SERPINB9: variants seen among roughly 807,000 people sequenced by gnomAD.
SERPINB9 encodes serpin B9.
Under a neutral mutation model 27.2 loss-of-function variants are expected in SERPINB9, and 20 were observed. That is an observed-to-expected ratio of 0.74 (90% CI 0.52 to 1.07). The LOEUF is 1.07. SERPINB9 is among the 50% of genes least tolerant of loss of function. The probability of loss-of-function intolerance (pLI) is 0.00; values close to 1 mark genes in which losing one functional copy is unlikely to be tolerated. For missense variants in SERPINB9, 476 were observed against 460.1 expected (o/e 1.03, Z -0.32); for synonymous variants, 189 against 180.0 (o/e 1.05, Z -0.40).
At chr6:2,896,902 G>A (rs1768018291) in intron 2 of SERPINB9, among the ~76,000 whole-genome samples, 1 of 151,990 alleles carries the variant, frequency 6.6e-6, no homozygotes, top group African/African-American at 2.4e-5. Flanking sequence ...CACTTTTGGA[G>A]GCCAAGGCAG....
At position 2,896,332 on chromosome 6, in the gene SERPINB9, A is replaced by G. The variant is rs1000500820; in HGVS notation, c.169-142T>C. The G allele has an allele frequency of 4.8e-6, 3 of 621,250 alleles. No individual in the cohort carries two copies. The African/African-American group carries it at 5.5e-5, about 11-fold the overall frequency. 38.5% of individuals were successfully genotyped at this position (621,250 alleles called of 1,614,324 possible). ...TCTCGCTTGTTTAAAGATCAGTAAC[A>G]CACAAAAAATGACAAGGGTGAGAAA... On this transcript the variant is annotated intron_variant, in intron 2 of 6. Transcript: ENST00000380698.
In SERPINB9 at chr6:2,888,802, T is replaced by C. The variant is rs1311586485; in HGVS notation, c.*1361A>G. 2 of 152,034 alleles carry C rather than the reference T, an allele frequency of 1.3e-5. No individual in the cohort carries two copies. The highest frequency in any genetic ancestry group is 4.8e-5 in the African/African-American group (2 of 41,392). The allele number at this position is 152,034 out of a possible 1,614,324, so 9.4% of individuals were successfully genotyped here. ...TAACAATACTAAGTGGCACTGAACT[T>C]CTCACTTTAAAATAGTTAATTTTAT... On this transcript the variant is annotated 3_prime_UTR_variant, in exon 7 of 7. Coordinates refer to ENST00000380698, the MANE Select transcript of SERPINB9 (RefSeq NM_004155.6).
chr6:2,898,707 G>A (rs1050658409), intron 2 of SERPINB9, among the ~76,000 whole-genome samples: 5 of 151,978 alleles, frequency 3.3e-5, no homozygotes, highest in African/African-American at 9.7e-5. Context: ...CCAGCTACTC[G>A]GGAGGCTGAG....
rs998371413 is a variant in SERPINB9, at chr6:2,888,918, A to G, written c.*1245T>C. ...AAAAAATATAAGTTACATAGCTCGT[A>G]TATAATCAACTTACTTATTACTGCA... On this transcript the variant is annotated 3_prime_UTR_variant, in exon 7 of 7. Coordinates refer to ENST00000380698, the MANE Select transcript of SERPINB9 (RefSeq NM_004155.6). 4.6e-5 allele frequency: 7 copies of G among 152,286 alleles called. No individual in the cohort carries two copies. The highest frequency in any genetic ancestry group is 1.3e-4 in the Admixed American group (2 of 15,294). The allele number at this position is 152,286 out of a possible 1,614,324, so 9.4% of individuals were successfully genotyped here.
Position 2,890,650 on chromosome 6 carries a change from T to C in SERPINB9, c.724-80A>G. ...GCACAGGCACTCACAGTTCCCTTCC[T>C]CCCCTTGCACGTAGGTGTTGTTTGT... On this transcript the variant is annotated intron_variant, in intron 6 of 6. Coordinates refer to ENST00000380698, the MANE Select transcript of SERPINB9 (RefSeq NM_004155.6). This position sits in a 1 kb window ranked among gnomAD's most constrained non-coding sequence, Gnocchi z 6.2. The C allele has an allele frequency of 1.5e-6, 2 of 1,359,482 alleles. No homozygotes were observed. Among genetic ancestry groups the C allele is most frequent in the Non-Finnish European group, 2.0e-6 (2 of 984,568 alleles). 84.2% of individuals were successfully genotyped at this position (1,359,482 alleles called of 1,614,324 possible).
rs1767785163 is a variant in SERPINB9, at chr6:2,891,086, G to GT, written c.724-517dup. Among the ~76,000 whole-genome samples, 1 of 152,176 alleles carries GT rather than the reference G, an allele frequency of 6.6e-6. No individual in the cohort carries two copies. Among genetic ancestry groups the GT allele is most frequent in the Admixed American group, 6.5e-5 (1 of 15,278 alleles). On this transcript the variant is annotated intron_variant, in intron 6 of 6. Coordinates refer to ENST00000380698, the MANE Select transcript of SERPINB9 (RefSeq NM_004155.6). This position sits in a 1 kb window ranked among gnomAD's most constrained non-coding sequence, Gnocchi z 4.0. ...GTTTCCGGAGCATAGTTTCAGGAAGGTGGGCAGAGGGAGAGCCAATGGCTG... is the reference window on the plus strand; with the variant it reads ...GTTTCCGGAGCATAGTTTCAGGAAGGTTGGGCAGAGGGAGAGCCAATGGCTG...
At chr6:2,895,691 T>C (rs1358316215) in intron 3 of SERPINB9, among the ~76,000 whole-genome samples, 183 bp from the exon 4 acceptor site, 1 of 152,112 alleles carries the variant, frequency 6.6e-6, no homozygotes, top group Non-Finnish European at 1.5e-5. Context: ...GAACCCTGAA[T>C]AACCAGAAAT....
At position 2,888,048 on chromosome 6, in the gene SERPINB9, T is replaced by C. The variant is rs1373786786; in HGVS notation, c.*2115A>G. 1.3e-5 allele frequency: 2 copies of C among 152,184 alleles called. No individual in the cohort carries two copies. The highest frequency in any genetic ancestry group is 4.8e-5 in the African/African-American group (2 of 41,430). 9.4% of individuals were successfully genotyped at this position (152,184 alleles called of 1,614,324 possible). ...AGCATTATCTATCAAAGGGACTGGA[T>C]GTCCCATCTAGTTTGTACTTTAGTT... On this transcript the variant is annotated 3_prime_UTR_variant, in exon 7 of 7. Transcript: ENST00000380698.
rs758427627 is a variant in SERPINB9 at position 2,896,101 on chromosome 6, C to T, written c.258G>A (p.Leu86=). The T allele has an allele frequency of 1.2e-6, 2 of 1,614,154 alleles. No individual in the cohort carries two copies. Among genetic ancestry groups the T allele is most frequent in the South Asian group, 1.1e-5 (1 of 91,068 alleles). Reference sequence around the variant, plus strand: ...CTCCAAAGAGCCTGTTGGCCGTTCTCAGCAGGTACTGTGTGCCAGCCTTGT... The same window carrying T: ...CTCCAAAGAGCCTGTTGGCCGTTCTTAGCAGGTACTGTGTGCCAGCCTTGT... ...EVNKAGTQYL[L]RTANRLFGEK... Residue 86 remains leucine, a synonymous_variant, in exon 3 of 7, where the codon CTG becomes CTA. Transcript: ENST00000380698.
At chr6:2,897,000 C>T (rs2113611691) in intron 2 of SERPINB9, among the ~76,000 whole-genome samples, 1 of 151,780 alleles carries the variant, frequency 6.6e-6, no homozygotes, top group Admixed American at 6.6e-5. Flanking sequence ...ATGGTGTGTG[C>T]CTGTGGTCCC....
At chr6:2,899,954 T>C (rs1219870175) in intron 2 of SERPINB9, 1 of 456,226 alleles carries the variant, frequency 2.2e-6, no homozygotes, top group Admixed American at 2.4e-5. Context: ...GAGCAGTACC[T>C]GCACAGTGTG....
Position 2,890,108 on chromosome 6 carries a change from G to A in SERPINB9, c.*55C>T. On this transcript the variant is annotated 3_prime_UTR_variant, in exon 7 of 7. Transcript: ENST00000380698. The surrounding 1 kb of genome is among the most constrained non-coding windows in gnomAD (Gnocchi z 6.2). ...GGCCCATCCTCTTGGAGCTGTAGTG[G>A]GGATCTGGGGACACAGGAAGAGGGA... The A allele has an allele frequency of 6.4e-7, 1 of 1,552,038 alleles. No homozygotes were observed. The highest frequency in any genetic ancestry group is 8.7e-7 in the Non-Finnish European group (1 of 1,143,452).
intron 4 of SERPINB9, 93 bp downstream of exon 4, chr6:2,895,298 G>A (rs1581196714): frequency 1.3e-6 from 1 of 766,880 alleles, no homozygotes. Flanking sequence ...GAGAGGAGGA[G>A]GAGAGAGGAT....
chr6:2,898,203 GA>G, intron 2 of SERPINB9, among the ~76,000 whole-genome samples: 1 of 152,010 alleles, frequency 6.6e-6, no homozygotes, highest in Non-Finnish European at 1.5e-5. Context: ...TCTTTTGAGG[GA>G]TTTTTTTTTC....
In SERPINB9 at chr6:2,891,901, G is replaced by T; in HGVS notation, c.655C>A (p.Leu219Met). The change falls in exon 6 of 7, where the codon CTG becomes ATG. Residue 219 changes from leucine to methionine, a missense_variant. Leu to Met is a conservative substitution (Grantham distance 15). Coordinates refer to ENST00000380698, the MANE Select transcript of SERPINB9 (RefSeq NM_004155.6). This position sits in a 1 kb window ranked among gnomAD's most constrained non-coding sequence, Gnocchi z 4.0. ...VGEVRAQLLE[L>M]PYARKELSLL... ...CTCAGCTCCTTCCTGGCGTAGGGCA[G>T]CTCCAGCAGCTGCGCGCGCACCTCG... The T allele has an allele frequency of 6.2e-7, 1 of 1,612,848 alleles. No individual in the cohort carries two copies.
chr6:2,900,304 C>A, intron 2 of SERPINB9, 140 bp downstream of exon 2: 1 of 982,524 alleles, frequency 1.0e-6, no homozygotes, highest in East Asian at 2.5e-5. Context: ...CAGTGGACCC[C>A]GCCTCCCTGA....
At position 2,889,808 on chromosome 6, in the gene SERPINB9, TACC is replaced by T. The variant is rs1273744670; in HGVS notation, c.*352_*354del. On this transcript the variant is annotated 3_prime_UTR_variant, in exon 7 of 7. Coordinates refer to ENST00000380698, the MANE Select transcript of SERPINB9 (RefSeq NM_004155.6). ...AGTAGCAATATCTAGCACCATTTAT[TACC>T]ACTGAGGCAGCGGGTTAAGGAATGT... is the stretch of plus-strand genomic sequence containing the variant. 9.8e-6 allele frequency: 2 copies of T among 203,880 alleles called. No individual in the cohort carries two copies. Among genetic ancestry groups the T allele is most frequent in the Non-Finnish European group, 9.9e-6 (1 of 100,638 alleles). 12.6% of individuals were successfully genotyped at this position (203,880 alleles called of 1,614,324 possible). A position where few individuals can be genotyped will look rare whatever the true frequency, so the allele number is the denominator to read the frequency against.
chr6:2,896,036 C>T lies in SERPINB9; in HGVS notation c.306+17G>A. 1.2e-6 allele frequency: 2 copies of T among 1,608,242 alleles called. No individual in the cohort carries two copies. The highest frequency in any genetic ancestry group is 2.2e-5 in the South Asian group (2 of 90,028). The stretch of plus-strand genomic sequence containing the variant: ...TATGTTGAATGCAACTTTTATTGTT[C>T]TATTGATTCAACTTACTGAGAGGAA... On this transcript the variant is annotated intron_variant, in intron 3 of 6. Coordinates refer to ENST00000380698, the MANE Select transcript of SERPINB9 (RefSeq NM_004155.6).
intron 3 of SERPINB9, 80 bp downstream of exon 3, chr6:2,895,973 T>G: frequency 7.0e-7 from 1 of 1,428,940 alleles, no homozygotes; most frequent in Non-Finnish European, 9.4e-7. Context: ...ATTTCTCAAT[T>G]TCTCTAGGGT....
Sources: gnomAD v4.1 joint callset for allele counts (sites outside exome capture counted in the v4.1 genomes callset) on GRCh38, gnomAD v4.1.1 for gene constraint, Gnocchi (gnomAD v3.1) non-coding constraint, MANE v1.5 for transcripts, NCBI Gene and HGNC (gene_info 2026-07-23, HGNC 2026-07-21) for gene names.